LNX1: variants seen among roughly 807,000 people sequenced by gnomAD.
LNX1 encodes ligand of numb-protein X 1, also known as E3 ubiquitin-protein ligase LNX.
In LNX1, 54 loss-of-function variants were observed where a neutral mutation model predicts 68.4. That is an observed-to-expected ratio of 0.79 (90% CI 0.63 to 0.99). The LOEUF is 0.99. Among genes scored for constraint, LNX1 ranks in the 50% least tolerant of loss-of-function variants. The probability of loss-of-function intolerance (pLI) is 0.00; values close to 1 mark genes in which losing one functional copy is unlikely to be tolerated. For missense variants in LNX1, 906 were observed against 926.4 expected (o/e 0.98, Z 0.29); for synonymous variants, 336 against 350.0 (o/e 0.96, Z 0.45).
intron 1 of LNX1, among the ~76,000 whole-genome samples, chr4:53,641,654 T>C (rs984347598): frequency 6.6e-5 from 10 of 152,230 alleles, no homozygotes; most frequent in African/African-American, 1.9e-4. Flanking sequence ...AAATTCATTT[T>C]CTTTCTCTTT....
intron 2 of LNX1, among the ~76,000 whole-genome samples, chr4:53,520,533 A>G (rs1727137867): frequency 6.6e-6 from 1 of 152,216 alleles, no homozygotes; most frequent in Non-Finnish European, 1.5e-5. Flanking sequence ...GGGAGCAGGC[A>G]ATTTCCATGC....
intron 2 of LNX1, among the ~76,000 whole-genome samples, chr4:53,544,486 G>A (rs562933022): frequency 6.6e-6 from 1 of 151,732 alleles, no homozygotes; most frequent in African/African-American, 2.4e-5. Context: ...GAGCCACCAT[G>A]TCCGGCCTGA....
intron 9 of LNX1, among the ~76,000 whole-genome samples, chr4:53,475,693 C>T (rs1177079117): frequency 6.6e-6 from 1 of 152,178 alleles, no homozygotes; most frequent in Non-Finnish European, 1.5e-5. Context: ...ACAGTTTATG[C>T]TCTCATGCAG....
chr4:53,570,664 T>TAAATAAATA (rs367852101), intron 2 of LNX1, among the ~76,000 whole-genome samples: 2 of 143,688 alleles, frequency 1.4e-5, no homozygotes, highest in African/African-American at 5.1e-5. Flanking sequence ...TAAAGTATAA[T>TAAATAAATA]AATAAATAAA....
At chr4:53,625,415 A>G (rs1205656839) in intron 1 of LNX1, among the ~76,000 whole-genome samples, 1 of 152,212 alleles carries the variant, frequency 6.6e-6, no homozygotes, top group East Asian at 1.9e-4. Flanking sequence ...GGATTTGAAT[A>G]GATATTAATC....
chr4:53,572,598 A>T (rs79543133), intron 2 of LNX1, among the ~76,000 whole-genome samples: 2 of 152,112 alleles, frequency 1.3e-5, no homozygotes, highest in Non-Finnish European at 2.9e-5. Flanking sequence ...CAGGATAAAC[A>T]ACATCTTCCA....
At chr4:53,467,983 A>G (rs1264595714) in intron 9 of LNX1, among the ~76,000 whole-genome samples, 1 of 152,208 alleles carries the variant, frequency 6.6e-6, no homozygotes, top group Non-Finnish European at 1.5e-5. Flanking sequence ...TTCAGGAAAT[A>G]CAGAGAATGC....
At chr4:53,620,636 C>T (rs959073073), upstream of LNX1, among the ~76,000 whole-genome samples, 2 of 151,768 alleles carry the variant, frequency 1.3e-5, no homozygotes, top group African/African-American at 4.8e-5. Flanking sequence ...ACTGAAGTCC[C>T]GGATTTCACC....
At position 53,473,391 on chromosome 4, in the gene LNX1, A is replaced by G. The variant is rs1723362824; in HGVS notation, c.1892+3362T>C. Among the ~76,000 whole-genome samples, 4 of 152,360 alleles carry G rather than the reference A, an allele frequency of 2.6e-5. No homozygotes were observed. In the South Asian group the frequency reaches 8.3e-4, roughly 32 times the overall value. On this transcript the variant is annotated intron_variant, in intron 9 of 10. Transcript: ENST00000263925. ...GCACTATTTACAATAGCAAAGATACAGAATCAACCTAAATGCCCATCAATG... is the reference window on the plus strand; with the variant it reads ...GCACTATTTACAATAGCAAAGATACGGAATCAACCTAAATGCCCATCAATG...
chr4:53,547,151 T>A (rs1243707609), intron 2 of LNX1, among the ~76,000 whole-genome samples: 1 of 152,212 alleles, frequency 6.6e-6, no homozygotes, highest in East Asian at 1.9e-4. Flanking sequence ...CCATTATTTT[T>A]ACAGATAACC....
chr4:53,601,291 G>GC (rs1328786047), intron 2 of LNX1, among the ~76,000 whole-genome samples: 1 of 152,146 alleles, frequency 6.6e-6, no homozygotes. Context: ...CCAGCCATCA[G>GC]CCCAGGGTGG....
At chr4:53,566,311 C>A (rs920047424) in intron 2 of LNX1, among the ~76,000 whole-genome samples, 4 of 151,250 alleles carry the variant, frequency 2.6e-5, no homozygotes, top group Non-Finnish European at 5.9e-5. Context: ...CTGCAGAAAC[C>A]CTACAAGCCA....
At chr4:53,463,376 CCTT>C (rs1722339291) in intron 9 of LNX1, among the ~76,000 whole-genome samples, 2 of 151,978 alleles carry the variant, frequency 1.3e-5, no homozygotes, top group South Asian at 2.1e-4. Context: ...AAAGTAAACG[CCTT>C]CTTTTAGTGG....
At chr4:53,543,257 A>G (rs955180517) in intron 2 of LNX1, among the ~76,000 whole-genome samples, 24 of 152,178 alleles carry the variant, frequency 1.6e-4, no homozygotes, top group African/African-American at 5.3e-4. Flanking sequence ...AGGCCTGCTT[A>G]TGTAGAACAG....
At chr4:53,495,587 G>C (rs1313701322) in intron 6 of LNX1, among the ~76,000 whole-genome samples, 2 of 134,280 alleles carry the variant, frequency 1.5e-5, no homozygotes, top group African/African-American at 5.6e-5. Context: ...CTATTGCTCA[G>C]GCTAGAGTGC....
intron 2 of LNX1, among the ~76,000 whole-genome samples, chr4:53,531,979 C>CTAT (rs1352142454): frequency 6.6e-6 from 1 of 152,142 alleles, no homozygotes; most frequent in Non-Finnish European, 1.5e-5. Flanking sequence ...GTTCTTTTTG[C>CTAT]TAGAAATGAG....
chr4:53,471,590 C>T (rs1723188499), intron 9 of LNX1, among the ~76,000 whole-genome samples: 1 of 152,042 alleles, frequency 6.6e-6, no homozygotes, highest in South Asian at 2.1e-4. Context: ...GCAATCCACT[C>T]ATCTGACAAA....
At chr4:53,481,031 A>G (rs1434972905) in intron 7 of LNX1, among the ~76,000 whole-genome samples, 4 of 152,214 alleles carry the variant, frequency 2.6e-5, no homozygotes, top group African/African-American at 4.8e-5. Flanking sequence ...TTGCTTAAAC[A>G]CGCATCCAAA....
intron 9 of LNX1, among the ~76,000 whole-genome samples, chr4:53,468,717 C>G (rs1427055466): frequency 6.6e-6 from 1 of 152,062 alleles, no homozygotes; most frequent in African/African-American, 2.4e-5. Context: ...AGACTTTAAA[C>G]CAACAAAGAT....
Sources: gnomAD v4.1 joint callset for allele counts (sites outside exome capture counted in the v4.1 genomes callset) on GRCh38, gnomAD v4.1.1 for gene constraint, MANE v1.5 for transcripts, NCBI Gene and HGNC (gene_info 2026-07-23, HGNC 2026-07-21) for gene names.